The following TLN2 variants were observed in gnomAD, a reference collection of about 807,000 sequenced individuals.
TLN2 encodes talin 2, also known as talin-2.
TLN2 carries 118 observed loss-of-function variants against 294.7 expected under a neutral mutation model. The ratio of observed to expected loss-of-function variants is 0.40; its 90% CI spans 0.34 to 0.47. The LOEUF is 0.47. Ranked by LOEUF, TLN2 falls within the 20% of genes least tolerant of loss-of-function variation. The probability of loss-of-function intolerance (pLI) is 0.84; values close to 1 mark genes in which losing one functional copy is unlikely to be tolerated. For synonymous variants in TLN2, 1,431 were observed against 1,304.5 expected, an observed-to-expected ratio of 1.10 and a Z score of -2.09; for missense variants, 3,083 against 3,282.2, an observed-to-expected ratio of 0.94 and a Z score of 1.48.
At chr15:62,697,565 T>C in intron 14 of TLN2, 123 bp from the exon 15 acceptor site, 1 of 1,031,618 alleles carries the variant, frequency 9.7e-7, no homozygotes, top group South Asian at 1.7e-5. Flanking sequence ...TCAGTCTGTA[T>C]GTGCCTCTTT....
intron 50 of TLN2, among the ~76,000 whole-genome samples, chr15:62,803,553 A>G (rs748546600): frequency 1.7e-4 from 26 of 152,128 alleles, no homozygotes; most frequent in Non-Finnish European, 2.9e-4. Flanking sequence ...CAAGCTTACT[A>G]ATTATTTCTT....
chr15:62,480,743 A>C (rs900465607), intron 1 of TLN2, among the ~76,000 whole-genome samples: 2 of 152,104 alleles, frequency 1.3e-5, no homozygotes, highest in Non-Finnish European at 2.9e-5. Context: ...GTCTTCCCTC[A>C]TTGTGCCGGG....
At chr15:62,551,251 T>C (rs1209615561) in intron 1 of TLN2, among the ~76,000 whole-genome samples, 2 of 152,180 alleles carry the variant, frequency 1.3e-5, no homozygotes, top group African/African-American at 4.8e-5. Flanking sequence ...CACCACCTAC[T>C]GTGTGGCGTG....
At chr15:62,837,060 G>A (rs1028495993) in intron 57 of TLN2, among the ~76,000 whole-genome samples, 1 of 152,034 alleles carries the variant, frequency 6.6e-6, no homozygotes, top group East Asian at 1.9e-4. Flanking sequence ...TTTTTTTATT[G>A]TAAGTGTTAA....
At chr15:62,399,407 T>C (rs909306721) in intron 1 of TLN2, among the ~76,000 whole-genome samples, 5 of 151,964 alleles carry the variant, frequency 3.3e-5, no homozygotes, top group Admixed American at 6.5e-5. Context: ...AGAGTCCCCA[T>C]TGGGGCACTG....
chr15:62,480,708 G>T (rs2038040162), intron 1 of TLN2, among the ~76,000 whole-genome samples: 1 of 152,176 alleles, frequency 6.6e-6, no homozygotes, highest in African/African-American at 2.4e-5. Context: ...TGCGTTGCAT[G>T]CCCTACGTTA....
intron 54 of TLN2, among the ~76,000 whole-genome samples, chr15:62,823,310 A>C (rs2067740468): frequency 6.6e-6 from 1 of 152,204 alleles, no homozygotes; most frequent in African/African-American, 2.4e-5. Context: ...TTTTGCATGA[A>C]ATATCTTCCT....
chr15:62,465,331 T>C (rs965098518), intron 1 of TLN2, among the ~76,000 whole-genome samples: 4 of 152,024 alleles, frequency 2.6e-5, no homozygotes, highest in African/African-American at 4.8e-5. Context: ...TGTGTGATAA[T>C]GGGATTCCTG....
intron 1 of TLN2, among the ~76,000 whole-genome samples, chr15:62,491,664 A>G (rs1489471352): frequency 6.6e-6 from 1 of 152,148 alleles, no homozygotes; most frequent in Non-Finnish European, 1.5e-5. Flanking sequence ...TTTTTTAGGA[A>G]TAGAATGGGA....
At chr15:62,838,587 A>G (rs553949926) in intron 57 of TLN2, among the ~76,000 whole-genome samples, 2 of 152,240 alleles carry the variant, frequency 1.3e-5, no homozygotes, top group African/African-American at 2.4e-5. Flanking sequence ...AAATATTTAC[A>G]TAATTGTAAT....
chr15:62,721,538 T>C (rs1397143848), intron 25 of TLN2, among the ~76,000 whole-genome samples: 1 of 152,064 alleles, frequency 6.6e-6, no homozygotes, highest in African/African-American at 2.4e-5. Context: ...ATATTAACTT[T>C]TGTCCTTAAT....
At position 62,697,936 on chromosome 15, in the gene TLN2, C is replaced by T. The variant is rs554091077; in HGVS notation, c.1473+68C>T. On this transcript the variant is annotated intron_variant, in intron 15 of 58. Transcript: ENST00000636159. ...CTCCCGCATGCAGGGTGGACACCAG[C>T]GGCGGTGATGGGCTGAGTGTTGGAA... 443 of 1,547,682 alleles carry T rather than the reference C, an allele frequency of 2.9e-4. 1 individual carries two copies. In the South Asian group the frequency reaches 3.3e-3, roughly 12 times the overall value.
intron 54 of TLN2, chr15:62,827,727 A>T (rs1196358700): frequency 6.6e-6 from 1 of 152,234 alleles, no homozygotes; most frequent in Non-Finnish European, 1.5e-5. Context: ...GTTTAGACAG[A>T]GAAACAGATT....
At chr15:62,523,506 A>G (rs1039195168) in intron 1 of TLN2, among the ~76,000 whole-genome samples, 1 of 152,244 alleles carries the variant, frequency 6.6e-6, no homozygotes, top group Non-Finnish European at 1.5e-5. Context: ...GCTGAACACT[A>G]TGCTAACTAT....
chr15:62,454,824 T>C (rs2036368909), intron 1 of TLN2, among the ~76,000 whole-genome samples: 1 of 152,178 alleles, frequency 6.6e-6, no homozygotes, highest in Non-Finnish European at 1.5e-5. Context: ...TAGCAGGGAC[T>C]GAACTCTTTC....
At chr15:62,548,170 A>G (rs2042099360) in intron 1 of TLN2, among the ~76,000 whole-genome samples, 1 of 152,082 alleles carries the variant, frequency 6.6e-6, no homozygotes, top group Non-Finnish European at 1.5e-5. Flanking sequence ...AGGGATTAGG[A>G]CTCCAGCCTG....
intron 1 of TLN2, among the ~76,000 whole-genome samples, chr15:62,421,753 G>A (rs1297026673): frequency 6.6e-6 from 1 of 151,950 alleles, no homozygotes; most frequent in African/African-American, 2.4e-5. Context: ...AGTCTGTACA[G>A]CAAACCCCCG....
At chr15:62,506,601 G>A (rs2039634474) in intron 1 of TLN2, among the ~76,000 whole-genome samples, 1 of 152,188 alleles carries the variant, frequency 6.6e-6, no homozygotes, top group Admixed American at 6.5e-5. Context: ...CATGGAGGTT[G>A]GGGGAGTTTT....
chr15:62,673,310 C>CTTTTTT (rs56258541), intron 9 of TLN2, among the ~76,000 whole-genome samples: 2,258 of 42,774 alleles, frequency 0.053, 458 homozygotes, highest in Middle Eastern at 0.083. Context: ...TTAGATGTTG[C>CTTTTTT]TTTTTTTTTT....
Sources: allele counts gnomAD v4.1 joint callset (sites outside exome capture counted in the v4.1 genomes callset), GRCh38; gene constraint gnomAD v4.1.1; transcripts MANE v1.5; gene names NCBI Gene and HGNC (gene_info 2026-07-23, HGNC 2026-07-21).